GPR176: variants seen among roughly 807,000 people sequenced by gnomAD.
GPR176 encodes the protein G protein-coupled receptor 176.
A neutral mutation model predicts 35.4 loss-of-function variants in GPR176; 26 were observed. That is an observed-to-expected ratio of 0.74 (90% CI 0.54 to 1.02). The LOEUF (loss-of-function observed/expected upper bound fraction) is 1.02, where lower values mean the gene tolerates loss of function less well. Ranked by LOEUF, GPR176 falls within the 50% of genes least tolerant of loss-of-function variation. GPR176 has a pLI of 0.00. For synonymous variants in GPR176, 278 were observed against 271.3 expected, an observed-to-expected ratio of 1.02 and a Z score of -0.24; for missense variants, 597 against 665.3, an observed-to-expected ratio of 0.90 and a Z score of 1.13.
At chr15:39,818,419 T>C (rs987726886) in intron 1 of GPR176, among the ~76,000 whole-genome samples, 1 of 152,220 alleles carries the variant, frequency 6.6e-6, no homozygotes, top group African/African-American at 2.4e-5. Context: ...ATGAAAAGCA[T>C]CTTAAGAAAT....
chr15:39,811,647 TG>T (rs1899556599), intron 1 of GPR176, among the ~76,000 whole-genome samples: 1 of 152,178 alleles, frequency 6.6e-6, no homozygotes, highest in Admixed American at 6.5e-5. Flanking sequence ...CGGGGTGTGG[TG>T]GCTCACACCT....
In GPR176 at chr15:39,919,976, G is replaced by A. The variant is rs556899221; in HGVS notation, c.51C>T (p.Asn17=). The part of the protein sequence containing the change: ...WISPNASEPH[N]ASGAEAAGVN... ...CACCCGCAGCCTCGGCGCCGGACGCGTTGTGCGGCTCGCTGGCATTTGGAG... is the reference window on the plus strand; with the variant it reads ...CACCCGCAGCCTCGGCGCCGGACGCATTGTGCGGCTCGCTGGCATTTGGAG... The change falls in exon 1 of 3, where the codon AAC becomes AAT. Residue 17 remains asparagine, a synonymous_variant. Coordinates refer to ENST00000561100, the MANE Select transcript of GPR176 (RefSeq NM_007223.3). The A allele has an allele frequency of 2.7e-6, 4 of 1,472,800 alleles. No individual in the cohort carries two copies. The highest frequency in any genetic ancestry group is 2.7e-6 in the Non-Finnish European group (3 of 1,111,388). 91.2% of individuals were successfully genotyped at this position (1,472,800 alleles called of 1,614,324 possible).
intron 1 of GPR176, among the ~76,000 whole-genome samples, chr15:39,905,439 C>T (rs1198443261): frequency 1.3e-4 from 15 of 111,500 alleles, no homozygotes; most frequent in African/African-American, 5.5e-4. Context: ...AGTGAGACCT[C>T]GTCTCTACAA....
chr15:39,808,297 G>A (rs989343700), intron 1 of GPR176, among the ~76,000 whole-genome samples: 2 of 152,072 alleles, frequency 1.3e-5, no homozygotes, highest in Non-Finnish European at 2.9e-5. Context: ...TACCTACTCC[G>A]ATGCCTGCTG....
chr15:39,892,062 T>A (rs1333038229), intron 1 of GPR176, among the ~76,000 whole-genome samples: 1 of 152,170 alleles, frequency 6.6e-6, no homozygotes, highest in Non-Finnish European at 1.5e-5. Context: ...TGAAAATCAA[T>A]TAAAATAATT....
chr15:39,900,984 C>T (rs754640013), intron 1 of GPR176, among the ~76,000 whole-genome samples: 26 of 152,212 alleles, frequency 1.7e-4, no homozygotes, highest in Admixed American at 3.9e-4. Flanking sequence ...GAACAAGTGC[C>T]TGAAGAGAAT....
chr15:39,909,586 A>G (rs563280536), intron 1 of GPR176, among the ~76,000 whole-genome samples: 105 of 152,256 alleles, frequency 6.9e-4, no homozygotes, highest in Non-Finnish European at 1.3e-3. Flanking sequence ...ACTTGCAGCC[A>G]GAACCCCTTC....
At chr15:39,866,219 A>C (rs1049834642) in intron 1 of GPR176, among the ~76,000 whole-genome samples, 8 of 152,224 alleles carry the variant, frequency 5.3e-5, no homozygotes, top group African/African-American at 1.7e-4. Flanking sequence ...AAATGTATGG[A>C]AAGTGGATAT....
chr15:39,893,742 C>T (rs980867324), intron 1 of GPR176, among the ~76,000 whole-genome samples: 9 of 147,786 alleles, frequency 6.1e-5, no homozygotes, highest in Admixed American at 1.3e-4. Flanking sequence ...GCTGACCCCC[C>T]CACCTCCCTC....
chr15:39,807,157 G>GT lies in GPR176; in HGVS notation c.273_274insA (p.Leu92ThrfsTer65). ...ATGATGTCGAAGGGCACACAGACCA[G>GT]GCTGGCACAAATCCCCGAGCAGGCC... On this transcript the variant is annotated frameshift_variant, in exon 2 of 3. Coordinates refer to ENST00000561100, the MANE Select transcript of GPR176 (RefSeq NM_007223.3). LOFTEE classifies it high-confidence loss of function. The GT allele has an allele frequency of 1.2e-6, 2 of 1,613,974 alleles. No homozygotes were observed. Among genetic ancestry groups the GT allele is most frequent in the Non-Finnish European group, 1.7e-6 (2 of 1,179,910 alleles).
At chr15:39,908,422 C>T (rs1463380220) in intron 1 of GPR176, among the ~76,000 whole-genome samples, 1 of 152,100 alleles carries the variant, frequency 6.6e-6, no homozygotes, top group East Asian at 1.9e-4. Flanking sequence ...CTTGTTCATG[C>T]AAATGTAGGA....
intron 1 of GPR176, among the ~76,000 whole-genome samples, chr15:39,877,491 G>A (rs917545217): frequency 2.0e-5 from 3 of 151,564 alleles, no homozygotes; most frequent in Admixed American, 6.6e-5. Flanking sequence ...GAACTAGGTC[G>A]CAGATGCATC....
chr15:39,884,362 A>T (rs1349682036), intron 1 of GPR176, among the ~76,000 whole-genome samples: 4,861 of 152,320 alleles, frequency 0.032, 290 homozygotes, highest in African/African-American at 0.11. Context: ...TCTATGTAAT[A>T]AGCTAAACTG....
chr15:39,904,408 G>A (rs2033364997), intron 1 of GPR176, among the ~76,000 whole-genome samples: 2 of 152,180 alleles, frequency 1.3e-5, no homozygotes, highest in Admixed American at 1.3e-4. Flanking sequence ...ATCAGATCAA[G>A]ATGTAAATGT....
Position 39,800,626 on chromosome 15 carries a change from T to C in GPR176, c.*506A>G, listed in dbSNP as rs1435466443. ...ATGACTGGGGCTTCCAGAGAAACAG[T>C]GTAAGACACCAAATCCCTACCTTCT... On this transcript the variant is annotated 3_prime_UTR_variant, in exon 3 of 3. Transcript: ENST00000561100. 2 of 158,460 alleles carry C rather than the reference T, an allele frequency of 1.3e-5. No homozygotes were observed. Among genetic ancestry groups the C allele is most frequent in the Non-Finnish European group, 2.8e-5 (2 of 71,382 alleles). 9.8% of individuals were successfully genotyped at this position (158,460 alleles called of 1,614,324 possible). A position where few individuals can be genotyped will look rare whatever the true frequency, so the allele number is the denominator to read the frequency against.
chr15:39,868,985 C>T (rs142165201), intron 1 of GPR176, among the ~76,000 whole-genome samples: 262 of 144,800 alleles, frequency 1.8e-3, no homozygotes, highest in African/African-American at 6.2e-3. Context: ...GCCTAGGCAA[C>T]AAGAGCAAAA....
chr15:39,813,472 A>G (rs1196738093), intron 1 of GPR176: 1 of 152,236 alleles, frequency 6.6e-6, no homozygotes, highest in East Asian at 1.9e-4. Flanking sequence ...AGCAGTTGAA[A>G]GATATCACTC....
intron 1 of GPR176, among the ~76,000 whole-genome samples, chr15:39,916,882 A>G (rs373508435): frequency 2.9e-4 from 44 of 152,346 alleles, no homozygotes; most frequent in African/African-American, 9.6e-4. Flanking sequence ...CTGACTGCAC[A>G]TGGCTTTGAA....
At chr15:39,803,020 A>C (rs1420172626) in intron 2 of GPR176, among the ~76,000 whole-genome samples, 1 of 152,232 alleles carries the variant, frequency 6.6e-6, no homozygotes, top group African/African-American at 2.4e-5. Context: ...GTAAGCACCT[A>C]AACAGAATTC....
Sources: allele counts gnomAD v4.1 joint callset (sites outside exome capture counted in the v4.1 genomes callset), GRCh38; gene constraint gnomAD v4.1.1; transcripts MANE v1.5; gene names NCBI Gene and HGNC (gene_info 2026-07-23, HGNC 2026-07-21).